Variants in FAM53A observed in about 807,000 individuals in gnomAD.
The protein encoded by FAM53A is family with sequence similarity 53 member A, also known as protein FAM53A.
A neutral mutation model predicts 26.6 loss-of-function variants in FAM53A; 28 were observed. The ratio of observed to expected loss-of-function variants is 1.05; its 90% CI spans 0.78 to 1.45. The LOEUF (loss-of-function observed/expected upper bound fraction) is 1.45. FAM53A is among the 40% of genes most tolerant of loss of function. The pLI is 0.00. For missense variants in FAM53A, 650 were observed against 575.8 expected, an observed-to-expected ratio of 1.13 and a Z score of -1.32; for synonymous variants, 290 against 253.1, an observed-to-expected ratio of 1.15 and a Z score of -1.38.
At chr4:1,651,676 G>A (rs1038091170) in intron 4 of FAM53A, among the ~76,000 whole-genome samples, 4 of 151,120 alleles carry the variant, frequency 2.6e-5, no homozygotes, top group Non-Finnish European at 4.4e-5. Flanking sequence ...TCCAGAGGAC[G>A]GGACACCAGC....
At chr4:1,645,871 A>G (rs7676625) in intron 4 of FAM53A, among the ~76,000 whole-genome samples, 46,765 of 152,062 alleles carry the variant, frequency 0.31, 7,511 homozygotes, top group Middle Eastern at 0.48. Flanking sequence ...GTTTGAACGT[A>G]TACCTCCAAA....
chr4:1,663,216 A>C (rs1713984641), intron 2 of FAM53A, among the ~76,000 whole-genome samples: 2 of 152,324 alleles, frequency 1.3e-5, no homozygotes, highest in South Asian at 4.1e-4. Flanking sequence ...TGGAGAAATT[A>C]GAACTCTCAT....
the FAM53A span, among the ~76,000 whole-genome samples, chr4:1,605,333 G>A: frequency 3.3e-5 from 5 of 152,026 alleles, no homozygotes; most frequent in African/African-American, 9.7e-5. This position sits in a 1 kb window ranked among gnomAD's most constrained non-coding sequence, Gnocchi z 5.7. Context: ...CTTCCTCACA[G>A]CCCAGCTCCA....
At chr4:1,634,900 CAA>C (rs57835658), downstream of FAM53A, among the ~76,000 whole-genome samples, 12 of 141,584 alleles carry the variant, frequency 8.5e-5, no homozygotes, top group African/African-American at 1.0e-4. Context: ...AACTCTGTCT[CAA>C]AAAAAAAAAA....
rs1004990573 is a variant in FAM53A, at chr4:1,630,944, G to A, written c.432-12833C>T. ...TGCAGTCCCAGCACTTTGGGAGGGTGAGGCAGGAGGACTGTTTGAGCCCCA... is the reference window on the plus strand; with the variant it reads ...TGCAGTCCCAGCACTTTGGGAGGGTAAGGCAGGAGGACTGTTTGAGCCCCA... On this transcript the variant is annotated intron_variant, in intron 1 of 1. Transcript: ENST00000489029. The surrounding 1 kb of genome is among the most constrained non-coding windows in gnomAD (Gnocchi z 4.3). 6.6e-6 allele frequency among the ~76,000 whole-genome samples: 1 copy of A among 152,202 alleles called. No homozygotes were observed. The highest frequency in any genetic ancestry group is 1.5e-5 in the Non-Finnish European group (1 of 68,024).
At chr4:1,575,337 C>T in the FAM53A span, among the ~76,000 whole-genome samples, 1 of 152,230 alleles carries the variant, frequency 6.6e-6, no homozygotes, top group Middle Eastern at 3.2e-3. Flanking sequence ...CACCCTGTGC[C>T]CGAGTTGGCA....
At chr4:1,638,475 G>A (rs1171541450), downstream of FAM53A, among the ~76,000 whole-genome samples, 1 of 152,136 alleles carries the variant, frequency 6.6e-6, no homozygotes, top group Non-Finnish European at 1.5e-5. Context: ...AATGGCCCTG[G>A]GCTCGGGCCT....
At chr4:1,617,983 C>T (rs1714869310) in exon 2 of FAM53A, 4 of 455,248 alleles carry the variant, frequency 8.8e-6, no homozygotes, top group Admixed American at 2.4e-5. Flanking sequence ...ACAGAACTGA[C>T]GTGTGTCACG....
chr4:1,592,243 T>C, the FAM53A span, among the ~76,000 whole-genome samples: 1 of 151,840 alleles, frequency 6.6e-6, no homozygotes, highest in Non-Finnish European at 1.5e-5. Context: ...TCGTGAAGGT[T>C]TTCTAAATTA....
chr4:1,679,457 G>A (rs561423906), intron 1 of FAM53A, among the ~76,000 whole-genome samples: 9 of 149,354 alleles, frequency 6.0e-5, no homozygotes, highest in Admixed American at 2.0e-4. Context: ...AGGCCAAGGC[G>A]GGTGGATCAA....
At chr4:1,597,498 A>G in the FAM53A span, among the ~76,000 whole-genome samples, 2 of 151,736 alleles carry the variant, frequency 1.3e-5, no homozygotes, top group African/African-American at 4.8e-5. Flanking sequence ...AGAGCCACAC[A>G]CCCCACACAG....
chr4:1,661,014 G>A (rs537367453), intron 2 of FAM53A, among the ~76,000 whole-genome samples: 2 of 151,968 alleles, frequency 1.3e-5, no homozygotes, highest in South Asian at 2.1e-4. Flanking sequence ...CCAGGCCAGC[G>A]GCACAGTGAG....
At chr4:1,678,035 G>T (rs926679412) in intron 1 of FAM53A, among the ~76,000 whole-genome samples, 1 of 152,284 alleles carries the variant, frequency 6.6e-6, no homozygotes, top group South Asian at 2.1e-4. Context: ...TTGGAGGACT[G>T]ACACTATTCA....
intron 1 of FAM53A, among the ~76,000 whole-genome samples, chr4:1,679,326 C>T (rs1346981502): frequency 2.2e-5 from 3 of 137,972 alleles, no homozygotes; most frequent in African/African-American, 8.4e-5. Flanking sequence ...GCTGAGGTTG[C>T]AGTGAGCCAA....
intron 1 of FAM53A, among the ~76,000 whole-genome samples, chr4:1,620,347 G>A (rs1714975635): frequency 6.6e-6 from 1 of 152,130 alleles, no homozygotes; most frequent in Non-Finnish European, 1.5e-5. Flanking sequence ...ACATCCCACA[G>A]AAGCACCTGA....
At chr4:1,608,359 A>T in the FAM53A span, among the ~76,000 whole-genome samples, 3 of 152,092 alleles carry the variant, frequency 2.0e-5, no homozygotes, top group South Asian at 6.2e-4. Flanking sequence ...GGGTGCCCCC[A>T]GCCCCATAAT....
chr4:1,590,955 CATATATATATATATATATATAT>C, the FAM53A span, among the ~76,000 whole-genome samples: 83 of 46,306 alleles, frequency 1.8e-3, no homozygotes, highest in East Asian at 5.6e-3. Context: ...TTATTTAATG[CATATATATATATATATATATAT>C]ATATATATAT....
intron 4 of FAM53A, among the ~76,000 whole-genome samples, chr4:1,648,664 G>C (rs1180876261): frequency 1.3e-5 from 2 of 152,210 alleles, no homozygotes; most frequent in Non-Finnish European, 2.9e-5. Context: ...CTGAATTTAA[G>C]GCAATGCACA....
chr4:1,623,285 C>T (rs112535391), intron 1 of FAM53A, among the ~76,000 whole-genome samples: 4 of 152,332 alleles, frequency 2.6e-5, no homozygotes, highest in Non-Finnish European at 4.4e-5. Flanking sequence ...GCAGCTGCTC[C>T]GTCCTGGGCA....
Sources: allele counts gnomAD v4.1 joint callset (sites outside exome capture counted in the v4.1 genomes callset), GRCh38; gene constraint gnomAD v4.1.1; non-coding constraint Gnocchi (gnomAD v3.1); transcripts MANE v1.5; gene names NCBI Gene and HGNC (gene_info 2026-07-23, HGNC 2026-07-21).